The following ATP7A variants were observed in gnomAD, a reference collection of about 807,000 sequenced individuals.
The protein encoded by ATP7A is ATPase copper transporting alpha, also known as copper-transporting ATPase 1.
A neutral mutation model predicts 83.5 loss-of-function variants in ATP7A; 7 were observed. The observed-to-expected ratio is 0.08, with a 90% confidence interval of 0.05 to 0.16. The LOEUF (loss-of-function observed/expected upper bound fraction) is 0.16. ATP7A is among the 10% of genes least tolerant of loss of function. The pLI is 1.00. For missense variants in ATP7A, 940 were observed against 1,120.8 expected (o/e 0.84, Z 2.30); for synonymous variants, 354 against 395.2 (o/e 0.90, Z 1.24).
rs944073747 is a variant in ATP7A, at chrX:77,961,281, T to G, written c.-21-10340T>G. The stretch of plus-strand genomic sequence containing the variant: ...ATCCAGTGCCTTTCTGCCTGACTGA[T>G]CTCTCTCAGTTCCTCAGTAAGCCTG... On this transcript the variant is annotated intron_variant, in intron 1 of 22. Transcript: ENST00000341514. 3.6e-5 allele frequency among the ~76,000 whole-genome samples: 4 copies of G among 112,063 alleles called. No individual in the cohort carries two copies. In the East Asian group the frequency reaches 1.1e-3, roughly 31 times the overall value.
intron 1 of ATP7A, among the ~76,000 whole-genome samples, chrX:77,922,432 A>T (rs1557223213): frequency 2.7e-5 from 3 of 110,836 alleles, no homozygotes; most frequent in Non-Finnish European, 5.7e-5. Context: ...GAGCCTAGGA[A>T]GTCGAGGCCA....
chrX:78,029,237 C>A lies in ATP7A; in HGVS notation c.2917-13C>A, dbSNP rs1343084607. The stretch of plus-strand genomic sequence containing the variant: ...CTAAATCAATAACCAAAATTTATGC[C>A]TTTCTTCTAAAGGGCTACAATAGAA... On this transcript the variant is annotated splice_polypyrimidine_tract_variant and intron_variant, in intron 14 of 22. Coordinates refer to ENST00000341514, the MANE Select transcript of ATP7A (RefSeq NM_000052.7). The A allele has an allele frequency of 8.3e-7, 1 of 1,207,985 alleles. No individual in the cohort carries two copies. Among genetic ancestry groups the A allele is most frequent in the Non-Finnish European group, 1.1e-6 (1 of 892,479 alleles).
chrX:78,029,254 A>G lies in ATP7A; in HGVS notation c.2921A>G (p.Tyr974Cys). 8.3e-7 allele frequency: 1 copy of G among 1,210,746 alleles called. No individual in the cohort carries two copies. Among genetic ancestry groups the G allele is most frequent in the Non-Finnish European group, 1.1e-6 (1 of 894,431 alleles). Reference sequence around the variant, plus strand: ...ATTTATGCCTTTCTTCTAAAGGGCTACAATAGAAGTATCTCCCGAACAGAA... The same window carrying G: ...ATTTATGCCTTTCTTCTAAAGGGCTGCAATAGAAGTATCTCCCGAACAGAA... ...FEIVETYFPG[Y>C]NRSISRTETI... Residue 974 changes from tyrosine to cysteine, a missense_variant, in exon 15 of 23, where the codon TAC becomes TGC. By Grantham distance (194) the Tyr-to-Cys change is radical (BLOSUM62 -2). Coordinates refer to ENST00000341514, the MANE Select transcript of ATP7A (RefSeq NM_000052.7).
At chrX:78,008,493 G>A (rs2077792858) in intron 6 of ATP7A, among the ~76,000 whole-genome samples, 1 of 110,898 alleles carries the variant, frequency 9.0e-6, no homozygotes, top group African/African-American at 3.3e-5. Flanking sequence ...TTCACTGAAA[G>A]CTATACTAGT....
intron 4 of ATP7A, 125 bp downstream of exon 4, chrX:77,990,083 A>G: frequency 1.1e-6 from 1 of 888,201 alleles, no homozygotes; most frequent in Non-Finnish European, 1.6e-6. Flanking sequence ...AATATGTCCT[A>G]TGGAGGTAGC....
At chrX:77,956,775 C>CTTTCTTTCTT (rs1569549168) in intron 1 of ATP7A, among the ~76,000 whole-genome samples, 2 of 98,793 alleles carry the variant, frequency 2.0e-5, no homozygotes, top group Non-Finnish European at 4.1e-5. Context: ...TTCTTTCTTT[C>CTTTCTTTCTT]TTTCTTTCTT....
chrX:78,020,131 A>G, intron 12 of ATP7A, 113 bp from the exon 13 acceptor site: 1 of 922,167 alleles, frequency 1.1e-6, no homozygotes, highest in Non-Finnish European at 1.6e-6. Flanking sequence ...TCACCTAGGC[A>G]TTTGTTCAGA....
rs1440450844 is a variant in ATP7A, at chrX:77,969,611, G to A, written c.-21-2010G>A. 1.8e-5 allele frequency: 22 copies of A among 1,211,963 alleles called. No individual in the cohort carries two copies. The highest frequency in any genetic ancestry group is 2.3e-5 in the Non-Finnish European group (21 of 895,612). On this transcript the variant is annotated intron_variant, in intron 1 of 22. Coordinates refer to ENST00000341514, the MANE Select transcript of ATP7A (RefSeq NM_000052.7). ...AGGTTCCATGTGCTCTCGCCGTGCC[G>A]GATCAGCACCAGTTTGTAGGCGGCC...
Position 78,049,461 on chromosome X carries a change from G to A in ATP7A, c.*2891G>A, listed in dbSNP as rs868926032. 2.0e-4 allele frequency: 22 copies of A among 112,350 alleles called. 1 individual carries two copies. The highest frequency in any genetic ancestry group is 7.1e-4 in the African/African-American group (22 of 30,977). 9.3% of individuals were successfully genotyped at this position (112,350 alleles called of 1,213,427 possible). ...CAAGGATACTTTAATATCCAGTGCC[G>A]GTTCAGACTCACCTATGTGGCACCT... On this transcript the variant is annotated 3_prime_UTR_variant, in exon 23 of 23. Transcript: ENST00000341514.
rs185801437 is a variant in ATP7A at position 77,967,945 on chromosome X, A to T, written c.-21-3676A>T. On this transcript the variant is annotated intron_variant, in intron 1 of 22. Transcript: ENST00000341514. ...TCACCAAAACTAAAATGATGTTGTA[A>T]TACTTTTTTTTTTTAATTGCACATC... Among the ~76,000 whole-genome samples the T allele has an allele frequency of 2.7e-5, 3 of 111,264 alleles. No individual in the cohort carries two copies. The Admixed American group carries it at 2.9e-4, about 11-fold the overall frequency.
intron 1 of ATP7A, among the ~76,000 whole-genome samples, chrX:77,958,260 C>T (rs960738348): frequency 4.5e-5 from 5 of 111,147 alleles, no homozygotes; most frequent in African/African-American, 1.6e-4. Context: ...CAAATGCCAG[C>T]ATCATGCTTC....
chrX:77,948,121 A>G lies in ATP7A; in HGVS notation c.-21-23500A>G, dbSNP rs112181233. 7.5e-4 allele frequency among the ~76,000 whole-genome samples: 76 copies of G among 102,009 alleles called. 1 individual carries two copies. Among genetic ancestry groups the G allele is most frequent in the South Asian group, 3.0e-3 (7 of 2,304 alleles). The allele number at this position is 102,009 out of a possible 115,157, so 88.6% of individuals were successfully genotyped here. On this transcript the variant is annotated intron_variant, in intron 1 of 22. Coordinates refer to ENST00000341514, the MANE Select transcript of ATP7A (RefSeq NM_000052.7). The stretch of plus-strand genomic sequence containing the variant: ...TATTTATTCATTCATTCATTCATTC[A>G]TTCGTTCATTCATTCATTCATTCAA...
At chrX:77,973,766 G>A (rs190552021) in intron 2 of ATP7A, among the ~76,000 whole-genome samples, 165 of 111,590 alleles carry the variant, frequency 1.5e-3, no homozygotes, top group African/African-American at 5.0e-3. Flanking sequence ...TGGGATTTTC[G>A]TTGAGATTGT....
At chrX:77,932,712 G>A (rs782707637) in intron 1 of ATP7A, among the ~76,000 whole-genome samples, 3 of 112,803 alleles carry the variant, frequency 2.7e-5, no homozygotes, top group Admixed American at 9.3e-5. Flanking sequence ...AGACCAGCCC[G>A]GCCAACACAG....
At chrX:77,946,280 A>G (rs1705816506) in intron 1 of ATP7A, among the ~76,000 whole-genome samples, 1 of 106,395 alleles carries the variant, frequency 9.4e-6, no homozygotes, top group Non-Finnish European at 1.9e-5. Flanking sequence ...AGCCTGGGTG[A>G]CAGGGCGAGA....
intron 17 of ATP7A, among the ~76,000 whole-genome samples, chrX:78,035,146 A>C (rs952025900): frequency 9.1e-6 from 1 of 110,010 alleles, no homozygotes; most frequent in Non-Finnish European, 1.9e-5. Context: ...TATAATACAT[A>C]CTCTCTCTGT....
chrX:77,926,440 C>A (rs1557223569), intron 1 of ATP7A, among the ~76,000 whole-genome samples: 1 of 110,916 alleles, frequency 9.0e-6, no homozygotes, highest in Admixed American at 9.6e-5. Flanking sequence ...AAATGATTCT[C>A]CTGCCTCAGC....
At chrX:77,964,094 T>C (rs1229783851) in intron 1 of ATP7A, 1 of 112,401 alleles carries the variant, frequency 8.9e-6, no homozygotes, top group Non-Finnish European at 1.9e-5. Flanking sequence ...TACAAGTTAT[T>C]TACATAACTC....
rs781844108 is a variant in ATP7A, at chrX:78,011,247, A to G, written c.1941A>G (p.Ile647Met). Residue 647 changes from isoleucine (I) to methionine (M), a missense_variant, in exon 8 of 23, where the codon ATA (isoleucine) becomes ATG (methionine). Ile to Met is a conservative substitution (Grantham distance 10). This residue lies in a region of ATP7A where 204 missense variants were observed against 185.8 expected (regional missense o/e 1.10). Transcript: ENST00000341514. ...GTCACTTAGATCATAAACGAGAAAT[A>G]AGACAGTAAGTACTTTGGAGTGTCA... ...SASHLDHKREIRQWRRSFLVS... is the reference protein window; with the variant it reads ...SASHLDHKREMRQWRRSFLVS... 38 of 1,205,949 alleles carry G rather than the reference A, an allele frequency of 3.2e-5. No individual in the cohort carries two copies. In the South Asian group the frequency reaches 6.2e-4, roughly 20 times the overall value.
Sources: gnomAD v4.1 joint callset for allele counts (sites outside exome capture counted in the v4.1 genomes callset) on GRCh38, gnomAD v4.1.1 for gene constraint, gnomAD v4.1.1 regional missense constraint, MANE v1.5 for transcripts, NCBI Gene and HGNC (gene_info 2026-07-23, HGNC 2026-07-21) for gene names.